Variants in KIF6 observed in about 807,000 individuals in gnomAD.
KIF6 encodes the protein kinesin-like protein KIF6.
Under a neutral mutation model 112.7 loss-of-function variants are expected in KIF6, and 106 were observed. The observed-to-expected ratio is 0.94, with a 90% CI of 0.80 to 1.11. KIF6 has a LOEUF of 1.11. Ranked by LOEUF, KIF6 falls within the 50% of genes least tolerant of loss-of-function variation. The pLI is 0.00. For missense variants in KIF6, 929 were observed against 964.0 expected (o/e 0.96, Z 0.48); for synonymous variants, 339 against 339.9 (o/e 1.00, Z 0.03).
At chr6:39,492,900 C>T (rs552809755) in intron 13 of KIF6, among the ~76,000 whole-genome samples, 26 of 152,154 alleles carry the variant, frequency 1.7e-4, no homozygotes, top group Non-Finnish European at 3.2e-4. Flanking sequence ...CAGAACCTGT[C>T]ATATTTATTG....
At chr6:39,651,882 G>C (rs1007506549) in intron 3 of KIF6, among the ~76,000 whole-genome samples, 3 of 152,122 alleles carry the variant, frequency 2.0e-5, no homozygotes, top group African/African-American at 7.2e-5. Context: ...AGAAAGGTGT[G>C]GCTTGATTGA....
intron 13 of KIF6, among the ~76,000 whole-genome samples, chr6:39,524,944 AT>A (rs896902351): frequency 6.6e-6 from 1 of 152,220 alleles, no homozygotes; most frequent in Non-Finnish European, 1.5e-5. Context: ...GCAATGTTCA[AT>A]AAAATGAAAA....
chr6:39,367,219 G>C (rs1765625357), intron 16 of KIF6, among the ~76,000 whole-genome samples: 1 of 152,156 alleles, frequency 6.6e-6, no homozygotes, highest in Non-Finnish European at 1.5e-5. Context: ...TAGGGGCTGG[G>C]AACTCAAAGG....
At chr6:39,719,314 G>A (rs1276229862) in intron 2 of KIF6, among the ~76,000 whole-genome samples, 1 of 148,550 alleles carries the variant, frequency 6.7e-6, no homozygotes, top group East Asian at 2.1e-4. Context: ...GCAAAACTCT[G>A]TCTCAAAAAA....
At chr6:39,481,968 C>T (rs74603901) in intron 13 of KIF6, among the ~76,000 whole-genome samples, 111 of 149,946 alleles carry the variant, frequency 7.4e-4, no homozygotes, top group African/African-American at 2.4e-3. Context: ...GCAATAAAAC[C>T]GTTAGTTCCT....
At chr6:39,570,517 C>T (rs968785675) in intron 10 of KIF6, among the ~76,000 whole-genome samples, 6 of 152,102 alleles carry the variant, frequency 3.9e-5, no homozygotes, top group Non-Finnish European at 5.9e-5. Context: ...TAAGCTTGCA[C>T]GTAGGAAGAT....
chr6:39,361,558 C>CA (rs1242586612), intron 17 of KIF6, among the ~76,000 whole-genome samples: 2,727 of 44,180 alleles, frequency 0.062, 110 homozygotes, highest in African/African-American at 0.081. Context: ...GGCTCCATCT[C>CA]AAAAAAAAAA....
intron 16 of KIF6, among the ~76,000 whole-genome samples, chr6:39,373,462 A>G (rs967692246): frequency 2.0e-5 from 3 of 152,216 alleles, no homozygotes; most frequent in Admixed American, 6.5e-5. Context: ...GAGTTTATAT[A>G]TAGAAAACCC....
chr6:39,709,366 G>T (rs1789400622), intron 3 of KIF6, among the ~76,000 whole-genome samples: 2 of 152,208 alleles, frequency 1.3e-5, no homozygotes, highest in Admixed American at 1.3e-4. Flanking sequence ...ATTCTCATAA[G>T]GAGTGTGTAA....
intron 10 of KIF6, among the ~76,000 whole-genome samples, chr6:39,551,938 C>T (rs1779406596): frequency 6.6e-6 from 1 of 152,196 alleles, no homozygotes; most frequent in Non-Finnish European, 1.5e-5. Context: ...TAAGGCTTTG[C>T]TATTCGACTG....
intron 13 of KIF6, among the ~76,000 whole-genome samples, chr6:39,443,486 C>T (rs1480363268): frequency 6.6e-6 from 1 of 151,770 alleles, no homozygotes; most frequent in African/African-American, 2.4e-5. Context: ...CTCTATTGCC[C>T]AGGCTGGAGT....
At chr6:39,346,085 T>TCTCTCCCTCTC (rs1212794740) in intron 20 of KIF6, among the ~76,000 whole-genome samples, 2 of 21,598 alleles carry the variant, frequency 9.3e-5, no homozygotes, top group Admixed American at 6.3e-4. Flanking sequence ...TCTCTCTCTC[T>TCTCTCCCTCTC]CCCCCCCCTC....
intron 13 of KIF6, among the ~76,000 whole-genome samples, chr6:39,435,661 G>C (rs1415371210): frequency 1.3e-5 from 2 of 152,002 alleles, no homozygotes; most frequent in Non-Finnish European, 1.5e-5. Flanking sequence ...CTTTACTTAG[G>C]ATAATGGCCT....
chr6:39,487,244 T>C (rs921844691), intron 13 of KIF6, among the ~76,000 whole-genome samples: 6 of 152,218 alleles, frequency 3.9e-5, no homozygotes, highest in African/African-American at 1.4e-4. Flanking sequence ...GTTGCTGTCA[T>C]GGATACTGTG....
chr6:39,706,778 A>T (rs1438271627), intron 3 of KIF6, among the ~76,000 whole-genome samples: 2 of 152,202 alleles, frequency 1.3e-5, no homozygotes, highest in Non-Finnish European at 2.9e-5. Context: ...CGTTTCCTGT[A>T]AACTTGGAAA....
chr6:39,410,773 A>T (rs949351168), intron 15 of KIF6, among the ~76,000 whole-genome samples: 2 of 152,250 alleles, frequency 1.3e-5, no homozygotes, highest in African/African-American at 4.8e-5. Flanking sequence ...GAGCTGAACT[A>T]GCAAAAAATC....
chr6:39,435,044 C>T (rs1771428126), intron 13 of KIF6, among the ~76,000 whole-genome samples: 1 of 152,088 alleles, frequency 6.6e-6, no homozygotes, highest in East Asian at 1.9e-4. Flanking sequence ...GAAACTGAGG[C>T]TTACATAAAT....
chr6:39,378,304 C>T lies in KIF6; in HGVS notation c.1861+7318G>A, dbSNP rs1035216544. Among the ~76,000 whole-genome samples, 1 of 151,636 alleles carries T rather than the reference C, an allele frequency of 6.6e-6. No individual in the cohort carries two copies. Among genetic ancestry groups the T allele is most frequent in the Non-Finnish European group, 1.5e-5 (1 of 67,860 alleles). On this transcript the variant is annotated intron_variant, in intron 16 of 22. Transcript: ENST00000287152. The surrounding 1 kb of genome is among the most constrained non-coding windows in gnomAD (Gnocchi z 5.0). ...CACATACACACCACACACACAAGCA[C>T]AAAACACACATACAACACATACAAC...
intron 13 of KIF6, among the ~76,000 whole-genome samples, chr6:39,490,766 G>A (rs1441485806): frequency 6.6e-6 from 1 of 152,012 alleles, no homozygotes; most frequent in East Asian, 1.9e-4. Flanking sequence ...TATGATAAAA[G>A]TCATAAAGGA....
Sources: allele counts gnomAD v4.1 joint callset (sites outside exome capture counted in the v4.1 genomes callset), GRCh38; gene constraint gnomAD v4.1.1; non-coding constraint Gnocchi (gnomAD v3.1); transcripts MANE v1.5; gene names NCBI Gene and HGNC (gene_info 2026-07-23, HGNC 2026-07-21).